The following NSRP1 variants were observed in gnomAD, a reference collection of about 807,000 sequenced individuals.
NSRP1 encodes nuclear speckle splicing regulatory protein 1.
Under a neutral mutation model 54.7 loss-of-function variants are expected in NSRP1, and 24 were observed. The observed-to-expected ratio is 0.44, with a 90% CI of 0.32 to 0.62. The LOEUF (loss-of-function observed/expected upper bound fraction) is 0.62. Ranked by LOEUF, NSRP1 falls within the 20% of genes least tolerant of loss-of-function variation. The pLI is 0.06. For synonymous variants in NSRP1, 210 were observed against 213.8 expected (o/e 0.98, Z 0.15); for missense variants, 596 against 651.2 (o/e 0.92, Z 0.92).
At chr17:30,127,643 G>A (rs2151878242) in intron 2 of NSRP1, among the ~76,000 whole-genome samples, 1 of 152,146 alleles carries the variant, frequency 6.6e-6, no homozygotes, top group Admixed American at 6.5e-5. Flanking sequence ...CAGACTCCTG[G>A]CCTCTAGTGA....
At chr17:30,174,268 T>C (rs190513027) in intron 3 of NSRP1, among the ~76,000 whole-genome samples, 1 of 152,326 alleles carries the variant, frequency 6.6e-6, no homozygotes, top group African/African-American at 2.4e-5. Flanking sequence ...TGCTTGGAAA[T>C]TAGGAATGCT....
At chr17:30,157,023 G>A (rs376718667) in intron 2 of NSRP1, among the ~76,000 whole-genome samples, 6 of 152,202 alleles carry the variant, frequency 3.9e-5, no homozygotes, top group East Asian at 3.9e-4. Flanking sequence ...TGATATTGCT[G>A]GATCTTACGG....
At chr17:30,169,061 T>G (rs921968640) in intron 2 of NSRP1, 1 of 152,066 alleles carries the variant, frequency 6.6e-6, no homozygotes, top group Admixed American at 6.5e-5. Context: ...TTTTCAACGG[T>G]CATACTTCAT....
At chr17:30,172,748 A>C in intron 3 of NSRP1, 150 bp downstream of exon 3, 1 of 526,526 alleles carries the variant, frequency 1.9e-6, no homozygotes. Flanking sequence ...TGTGCTATAG[A>C]TTAAACCAGT....
Position 30,116,852 on chromosome 17 carries a change from T to G in NSRP1, c.9T>G (p.Ile3Met). 1 of 1,576,258 alleles carries G rather than the reference T, an allele frequency of 6.3e-7. No homozygotes were observed. The highest frequency in any genetic ancestry group is 8.6e-7 in the Non-Finnish European group (1 of 1,160,426). MA[I>M]PGRQYGLILP... ...GCGGACACGGGAGCAAGATGGCGAT[T>G]CCGGGCAGGCAGTGAGTGATCCGGG... The change falls in exon 1 of 7, where the codon ATT (isoleucine) becomes ATG (methionine). Residue 3 changes from isoleucine (I) to methionine (M), a missense_variant. Coordinates refer to ENST00000247026, the MANE Select transcript of NSRP1 (RefSeq NM_032141.4).
In NSRP1 at chr17:30,116,859, A is replaced by T. The variant is rs767536340; in HGVS notation, c.16A>T (p.Arg6Trp). Residue 6 changes from arginine (R) to tryptophan (W), a missense_variant, in exon 1 of 7, where the codon AGG becomes TGG. Coordinates refer to ENST00000247026, the MANE Select transcript of NSRP1 (RefSeq NM_032141.4). MAIPGRQYGLILPKKT... is the reference protein window; with the variant it reads MAIPGWQYGLILPKKT... ...CGGGAGCAAGATGGCGATTCCGGGC[A>T]GGCAGTGAGTGATCCGGGAGTTAGG... 1.3e-6 allele frequency: 2 copies of T among 1,575,470 alleles called. No homozygotes were observed. Among genetic ancestry groups the T allele is most frequent in the African/African-American group, 2.7e-5 (2 of 74,166 alleles).
chr17:30,120,246 C>G, intron 2 of NSRP1, among the ~76,000 whole-genome samples: 1 of 152,118 alleles, frequency 6.6e-6, no homozygotes, highest in East Asian at 1.9e-4. Flanking sequence ...TTTTTTCCCC[C>G]TTAACAGTGA....
In NSRP1 at chr17:30,178,026, A is replaced by G. The variant is rs564702948; in HGVS notation, c.172-45A>G. On this transcript the variant is annotated intron_variant, in intron 3 of 6. Transcript: ENST00000247026. ...AAAAAGCATAGACTTTGTTGTATCT[A>G]TTGGCTGGCTCATATTTTTGAAACA... The G allele has an allele frequency of 4.9e-5, 78 of 1,596,668 alleles. No individual in the cohort carries two copies. In the South Asian group the frequency reaches 6.2e-4, roughly 13 times the overall value.
At chr17:30,135,149 TACTC>T (rs1173517681) in intron 2 of NSRP1, among the ~76,000 whole-genome samples, 2 of 152,108 alleles carry the variant, frequency 1.3e-5, no homozygotes, top group African/African-American at 2.4e-5. Context: ...GACAGGGTCT[TACTC>T]TCTCTCCCAG....
At chr17:30,141,925 GC>G (rs2071809121) in intron 2 of NSRP1, among the ~76,000 whole-genome samples, 2 of 152,182 alleles carry the variant, frequency 1.3e-5, no homozygotes, top group South Asian at 4.1e-4. Context: ...GATCGCTTGA[GC>G]CCAGGAGGTG....
At position 30,186,410 on chromosome 17, in the gene NSRP1, C is replaced by G. The variant is rs899105511; in HGVS notation, c.*736C>G. 5.9e-5 allele frequency: 9 copies of G among 152,086 alleles called. No individual in the cohort carries two copies. Among genetic ancestry groups the G allele is most frequent in the African/African-American group, 2.2e-4 (9 of 41,404 alleles). 9.4% of individuals were successfully genotyped at this position (152,086 alleles called of 1,614,324 possible). On this transcript the variant is annotated 3_prime_UTR_variant, in exon 7 of 7. Transcript: ENST00000247026. ...TATTTAAGTATAAAATGTGAATCATCTTGTCTAAATAGCTTACAGCATAGT... is the reference window on the plus strand; with the variant it reads ...TATTTAAGTATAAAATGTGAATCATGTTGTCTAAATAGCTTACAGCATAGT...
At chr17:30,162,658 G>T (rs963491571) in intron 2 of NSRP1, among the ~76,000 whole-genome samples, 1 of 152,082 alleles carries the variant, frequency 6.6e-6, no homozygotes, top group Non-Finnish European at 1.5e-5. Context: ...TTTTATTTAA[G>T]AAAGAAGCTC....
rs1318933085 is a variant in NSRP1, at chr17:30,184,864, T to G, written c.867T>G (p.Ser289=). The G allele has an allele frequency of 1.9e-6, 3 of 1,613,892 alleles. No homozygotes were observed. The highest frequency in any genetic ancestry group is 2.5e-6 in the Non-Finnish European group (3 of 1,179,994). Residue 289 remains serine, a synonymous_variant, in exon 7 of 7, where the codon TCT becomes TCG. Coordinates refer to ENST00000247026, the MANE Select transcript of NSRP1 (RefSeq NM_032141.4). ...DFKHHRSQNH[S]RSPSEERGHS... ...AGCACCACAGGAGTCAAAACCACTC[T>G]CGGTCACCTAGTGAAGAAAGAGGGC... is the stretch of plus-strand genomic sequence containing the variant.
chr17:30,151,955 T>TA (rs1322796452), intron 2 of NSRP1, among the ~76,000 whole-genome samples: 1 of 151,426 alleles, frequency 6.6e-6, no homozygotes, highest in African/African-American at 2.4e-5. Context: ...TTTTAGTAGA[T>TA]ACAGGGTTTC....
At chr17:30,159,641 T>C (rs1212538072) in intron 2 of NSRP1, among the ~76,000 whole-genome samples, 2 of 151,998 alleles carry the variant, frequency 1.3e-5, no homozygotes, top group African/African-American at 4.8e-5. Flanking sequence ...GTATATTCTT[T>C]CTTTTTATTT....
At chr17:30,127,616 G>T (rs2071662018) in intron 2 of NSRP1, among the ~76,000 whole-genome samples, 1 of 152,054 alleles carries the variant, frequency 6.6e-6, no homozygotes, top group African/African-American at 2.4e-5. Flanking sequence ...GTCTCCCTCT[G>T]TTTCCCAGGC....
chr17:30,165,190 T>C (rs1280116287), intron 2 of NSRP1, among the ~76,000 whole-genome samples: 1 of 152,212 alleles, frequency 6.6e-6, no homozygotes, highest in Non-Finnish European at 1.5e-5. Flanking sequence ...AGGATGAGTA[T>C]GGCTTATAAA....
At chr17:30,171,758 G>T (rs1904940433) in intron 2 of NSRP1, among the ~76,000 whole-genome samples, 1 of 152,010 alleles carries the variant, frequency 6.6e-6, no homozygotes, top group African/African-American at 2.4e-5. Flanking sequence ...CATAGTTTTT[G>T]ATTATTGCCA....
chr17:30,146,088 G>C (rs2071852800), intron 2 of NSRP1, among the ~76,000 whole-genome samples: 1 of 152,130 alleles, frequency 6.6e-6, no homozygotes, highest in African/African-American at 2.4e-5. Flanking sequence ...GCCTCAAGCA[G>C]TTCTCTTTCC....
Sources: gnomAD v4.1 joint callset for allele counts (sites outside exome capture counted in the v4.1 genomes callset) on GRCh38, gnomAD v4.1.1 for gene constraint, MANE v1.5 for transcripts, NCBI Gene and HGNC (gene_info 2026-07-23, HGNC 2026-07-21) for gene names.